MTHFD1L: variants seen among roughly 807,000 people sequenced by gnomAD.
The protein encoded by MTHFD1L is monofunctional C1-tetrahydrofolate synthase, mitochondrial.
Under a neutral mutation model 119.5 loss-of-function variants are expected in MTHFD1L, and 81 were observed. The observed-to-expected ratio is 0.68, with a 90% CI of 0.57 to 0.82. The LOEUF (loss-of-function observed/expected upper bound fraction) is 0.82. Among genes scored for constraint, MTHFD1L ranks in the 40% least tolerant of loss-of-function variants. MTHFD1L has a pLI of 0.00. For synonymous variants in MTHFD1L, 430 were observed against 475.2 expected (o/e 0.90, Z 1.24); for missense variants, 1,125 against 1,253.4 (o/e 0.90, Z 1.55).
chr6:150,892,331 G>A lies in MTHFD1L; in HGVS notation c.780+4350G>A, dbSNP rs372633488. 8.5e-5 allele frequency among the ~76,000 whole-genome samples: 13 copies of A among 152,228 alleles called. No homozygotes were observed. The South Asian group carries it at 2.5e-3, about 29-fold the overall frequency. On this transcript the variant is annotated intron_variant, in intron 7 of 27. Transcript: ENST00000367321. ...TTTTTCAAAGTACTTTTTTATTACG[G>A]GAATAAATCACCTTGTCTCTGTACT...
chr6:151,048,618 A>G (rs1403343189), intron 26 of MTHFD1L, among the ~76,000 whole-genome samples: 1 of 152,218 alleles, frequency 6.6e-6, no homozygotes, highest in Non-Finnish European at 1.5e-5. Flanking sequence ...AGGAGGTAAT[A>G]AGAGGCTCAA....
intron 11 of MTHFD1L, among the ~76,000 whole-genome samples, chr6:150,930,486 T>C (rs1216786959): frequency 6.6e-6 from 1 of 152,078 alleles, no homozygotes; most frequent in Non-Finnish European, 1.5e-5. Flanking sequence ...CTGAAAATAA[T>C]ATTAGCTTAT....
In MTHFD1L at chr6:150,981,922, T is replaced by TA. The variant is rs199965107; in HGVS notation, c.2125+9872dup. Among the ~76,000 whole-genome samples, 1,262 of 152,152 alleles carry TA rather than the reference T, an allele frequency of 8.3e-3. 20 individuals carry two copies. Among genetic ancestry groups the TA allele is most frequent in the African/African-American group, 0.027 (1,132 of 41,478 alleles). ...GCAACATAGCAAGATCCCATCTCTATAAAAAAAATTTTTAATTAGCCAGGT... is the reference window on the plus strand; with the variant it reads ...GCAACATAGCAAGATCCCATCTCTATAAAAAAAAATTTTTAATTAGCCAGGT... On this transcript the variant is annotated intron_variant, in intron 20 of 27. Coordinates refer to ENST00000367321, the MANE Select transcript of MTHFD1L (RefSeq NM_015440.5).
rs941284941 is a variant in MTHFD1L at position 151,039,018 on chromosome 6, C to T, written c.2847+1901C>T. On this transcript the variant is annotated intron_variant, in intron 26 of 27. Transcript: ENST00000367321. The surrounding 1 kb of genome is among the most constrained non-coding windows in gnomAD (Gnocchi z 4.4). ...TCAAAGAAAGAGGCAGGAAGGTCAC[C>T]CTGGTGGGTTTAAGGATATGGGTGA... 1.2e-4 allele frequency among the ~76,000 whole-genome samples: 18 copies of T among 152,040 alleles called. No homozygotes were observed. Among genetic ancestry groups the T allele is most frequent in the African/African-American group, 4.4e-4 (18 of 41,372 alleles).
At chr6:150,895,811 A>G (rs1784122009) in intron 7 of MTHFD1L, among the ~76,000 whole-genome samples, 1 of 152,234 alleles carries the variant, frequency 6.6e-6, no homozygotes, top group Non-Finnish European at 1.5e-5. Context: ...AAGGAACTCT[A>G]GCTTTTAAAC....
chr6:150,954,845 A>G (rs1221536642), intron 16 of MTHFD1L, among the ~76,000 whole-genome samples: 1 of 151,884 alleles, frequency 6.6e-6, no homozygotes, highest in African/African-American at 2.4e-5. Flanking sequence ...TCAAATTCCT[A>G]GGTGACCCTC....
At chr6:151,101,183 A>T (rs200773633) in intron 27 of MTHFD1L, among the ~76,000 whole-genome samples, 10,400 of 152,072 alleles carry the variant, frequency 0.068, 435 homozygotes, top group Admixed American at 0.13. Context: ...AAATTTTTTT[A>T]AATCCTAAAT....
rs144996276 is a variant in MTHFD1L at position 150,997,517 on chromosome 6, G to A, written c.2126-12302G>A. Among the ~76,000 whole-genome samples the A allele has an allele frequency of 2.2e-3, 336 of 152,206 alleles. 2 individuals are homozygous for A. The highest frequency in any genetic ancestry group is 9.9e-3 in the Admixed American group (152 of 15,290). On this transcript the variant is annotated intron_variant, in intron 20 of 27. Transcript: ENST00000367321. ...GTATAAATACATTGAGGCTGGGCAC[G>A]GTGTCTCACACCTGTAATCCCAGCA... is the stretch of plus-strand genomic sequence containing the variant.
intron 11 of MTHFD1L, among the ~76,000 whole-genome samples, chr6:150,934,131 T>A (rs763666714): frequency 1.3e-4 from 20 of 152,232 alleles, no homozygotes; most frequent in Non-Finnish European, 1.9e-4. Context: ...TGGCTGGCTT[T>A]GCCTCCCAGC....
At chr6:151,027,439 C>T (rs188343437) in intron 24 of MTHFD1L, among the ~76,000 whole-genome samples, 23 of 152,244 alleles carry the variant, frequency 1.5e-4, no homozygotes, top group Admixed American at 1.0e-3. Flanking sequence ...TTTGTGCAGG[C>T]CACTCTCCAA....
intron 9 of MTHFD1L, among the ~76,000 whole-genome samples, chr6:150,919,715 C>G (rs1405494659): frequency 6.6e-6 from 1 of 152,204 alleles, no homozygotes; most frequent in Non-Finnish European, 1.5e-5. Flanking sequence ...AACTCATTCA[C>G]TATCACAAGG....
intron 26 of MTHFD1L, among the ~76,000 whole-genome samples, chr6:151,063,938 G>T (rs1464305539): frequency 6.6e-6 from 1 of 151,156 alleles, no homozygotes; most frequent in Admixed American, 6.6e-5. Flanking sequence ...AGGAAGTTAT[G>T]AGCATTTCTG....
intron 8 of MTHFD1L, among the ~76,000 whole-genome samples, chr6:150,913,181 G>C (rs1787231301): frequency 6.6e-6 from 1 of 151,152 alleles, no homozygotes; most frequent in Non-Finnish European, 1.5e-5. Flanking sequence ...TTTTTTTTGA[G>C]GCAGAGTCTC....
intron 11 of MTHFD1L, among the ~76,000 whole-genome samples, chr6:150,932,816 G>GGAAGGAAAGA (rs1791325108): frequency 5.4e-4 from 65 of 119,536 alleles, no homozygotes; most frequent in African/African-American, 1.8e-3. Context: ...GAGAGGGAGG[G>GGAAGGAAAGA]AGGAAGGAAG....
At chr6:151,079,494 G>T (rs763029078) in intron 26 of MTHFD1L, among the ~76,000 whole-genome samples, 1 of 151,954 alleles carries the variant, frequency 6.6e-6, no homozygotes, top group African/African-American at 2.4e-5. Flanking sequence ...TTTCACTCTT[G>T]TTGCCCAGGC....
At chr6:150,959,995 T>C (rs1456143404) in intron 17 of MTHFD1L, among the ~76,000 whole-genome samples, 2 of 152,194 alleles carry the variant, frequency 1.3e-5, no homozygotes, top group African/African-American at 4.8e-5. Context: ...CATGTGGTAG[T>C]GCTGTGAGCG....
chr6:151,073,633 TATAACAAA>T (rs1792175554), intron 26 of MTHFD1L, among the ~76,000 whole-genome samples: 6 of 151,702 alleles, frequency 4.0e-5, no homozygotes, highest in East Asian at 3.9e-4. Context: ...ACAAAGAAGA[TATAACAAA>T]GATATAAATC....
chr6:151,009,228 A>T (rs532546889), intron 20 of MTHFD1L, among the ~76,000 whole-genome samples: 1 of 151,742 alleles, frequency 6.6e-6, no homozygotes, highest in African/African-American at 2.4e-5. Context: ...GAAAATCCCC[A>T]TCTGTATGAA....
rs80149885 is a variant in MTHFD1L, at chr6:150,894,448, G to A, written c.780+6467G>A. 6.5e-3 allele frequency among the ~76,000 whole-genome samples: 985 copies of A among 152,218 alleles called. 12 individuals carry two copies. The highest frequency in any genetic ancestry group is 0.022 in the African/African-American group (917 of 41,536). The stretch of plus-strand genomic sequence containing the variant: ...AGAAGCAAGACTACCATGAGACAAC[G>A]TTCCAGAGAAAGGAGGGACTAACCA... On this transcript the variant is annotated intron_variant, in intron 7 of 27. Coordinates refer to ENST00000367321, the MANE Select transcript of MTHFD1L (RefSeq NM_015440.5).
Sources: gnomAD v4.1 joint callset for allele counts (sites outside exome capture counted in the v4.1 genomes callset) on GRCh38, gnomAD v4.1.1 for gene constraint, Gnocchi (gnomAD v3.1) non-coding constraint, MANE v1.5 for transcripts, NCBI Gene and HGNC (gene_info 2026-07-23, HGNC 2026-07-21) for gene names.